Variants in MAPKAPK5 observed in about 807,000 individuals in gnomAD.
MAPKAPK5 encodes the protein MAP kinase-activated protein kinase 5.
MAPKAPK5 carries 30 observed loss-of-function variants against 65.1 expected under a neutral mutation model. That is an observed-to-expected ratio of 0.46 (90% CI 0.34 to 0.63). The LOEUF is 0.63. Ranked by LOEUF, MAPKAPK5 falls within the 20% of genes least tolerant of loss-of-function variation. The probability of loss-of-function intolerance (pLI) is 0.01; values close to 1 mark genes in which losing one functional copy is unlikely to be tolerated. For synonymous variants in MAPKAPK5, 179 were observed against 204.6 expected (o/e 0.87, Z 1.07); for missense variants, 433 against 581.4 (o/e 0.74, Z 2.63).
At chr12:111,870,507 T>C (rs979445112) in intron 6 of MAPKAPK5, 147 bp downstream of exon 6, 2 of 559,318 alleles carry the variant, frequency 3.6e-6, no homozygotes, top group South Asian at 2.5e-5. Context: ...GTTCCCTTGC[T>C]AGAGGCTCAG....
At chr12:111,855,348 A>G (rs1197649407) in intron 1 of MAPKAPK5, among the ~76,000 whole-genome samples, 1 of 152,050 alleles carries the variant, frequency 6.6e-6, no homozygotes. Context: ...TACATTTTAA[A>G]GGTAGAAGGT....
At chr12:111,870,463 C>A in intron 6 of MAPKAPK5, 103 bp downstream of exon 6, 2 of 854,984 alleles carry the variant, frequency 2.3e-6, no homozygotes, top group Non-Finnish European at 3.6e-6. Flanking sequence ...AAGCTTTAAG[C>A]CAAAGTGCTT....
Position 111,883,908 on chromosome 12 carries a change from C to G in MAPKAPK5, c.848+140C>G. ...AATATCACAGAAATCTCTCTGGAGC[C>G]TGAGGTGACTGTTCTCAGTGTCCAC... On this transcript the variant is annotated intron_variant, in intron 9 of 13. Transcript: ENST00000550735. This position sits in a 1 kb window ranked among gnomAD's most constrained non-coding sequence, Gnocchi z 4.8. 1.2e-6 allele frequency: 1 copy of G among 828,888 alleles called. No individual in the cohort carries two copies. Among genetic ancestry groups the G allele is most frequent in the Non-Finnish European group, 1.8e-6 (1 of 542,780 alleles). The allele number at this position is 828,888 out of a possible 1,614,324, so 51.3% of individuals were successfully genotyped here.
chr12:111,865,224 T>C, intron 1 of MAPKAPK5, 26 bp from the exon 2 acceptor site: 1 of 1,434,148 alleles, frequency 7.0e-7, no homozygotes, highest in Non-Finnish European at 9.6e-7. Flanking sequence ...TCATTCTCTG[T>C]CCTCTCCCTT....
intron 1 of MAPKAPK5, among the ~76,000 whole-genome samples, chr12:111,848,803 C>T (rs2068981650): frequency 6.6e-6 from 1 of 152,064 alleles, no homozygotes; most frequent in Non-Finnish European, 1.5e-5. Context: ...GACCTTGGCT[C>T]ACTGCAACCT....
intron 1 of MAPKAPK5, among the ~76,000 whole-genome samples, chr12:111,845,211 T>G (rs910711493): frequency 1.3e-5 from 2 of 151,892 alleles, no homozygotes; most frequent in Non-Finnish European, 2.9e-5. Flanking sequence ...TGCAGCCGCC[T>G]CCTCCCAGGT....
chr12:111,865,989 G>T (rs1027301507), intron 2 of MAPKAPK5, among the ~76,000 whole-genome samples, 167 bp from the exon 3 acceptor site: 2 of 152,132 alleles, frequency 1.3e-5, no homozygotes, highest in Non-Finnish European at 2.9e-5. Flanking sequence ...TGGGCAGAGG[G>T]GTGAGATGCT....
Position 111,893,299 on chromosome 12 carries a change from A to G in MAPKAPK5, c.*238A>G. 1 of 212,368 alleles carries G rather than the reference A, an allele frequency of 4.7e-6. No homozygotes were observed. Among genetic ancestry groups the G allele is most frequent in the Non-Finnish European group, 9.4e-6 (1 of 106,862 alleles). 13.2% of individuals were successfully genotyped at this position (212,368 alleles called of 1,614,324 possible). A position where few individuals can be genotyped will look rare whatever the true frequency, so the allele number is the denominator to read the frequency against. On this transcript the variant is annotated 3_prime_UTR_variant, in exon 14 of 14. Transcript: ENST00000550735. Reference sequence around the variant, plus strand: ...TAGTTGTATATTTGTAAGATGACAGATGATGCTGTCAAGCAATATTGTTTT... The same window carrying G: ...TAGTTGTATATTTGTAAGATGACAGGTGATGCTGTCAAGCAATATTGTTTT...
intron 13 of MAPKAPK5, among the ~76,000 whole-genome samples, chr12:111,891,677 T>TGG (rs2070615520): frequency 2.0e-5 from 3 of 148,438 alleles, no homozygotes; most frequent in African/African-American, 7.5e-5. Flanking sequence ...CATGGTGGCA[T>TGG]GCGCCTGTAG....
chr12:111,894,952 T>C lies in MAPKAPK5; in HGVS notation c.*1891T>C, dbSNP rs2070745932. ...TCTCACCAGCAACTTATTTTCTAAC[T>C]CCTCCACTGTGCTGAGTAATTCCTC... On this transcript the variant is annotated 3_prime_UTR_variant, in exon 14 of 14. Transcript: ENST00000550735. The C allele has an allele frequency of 6.6e-6, 1 of 152,032 alleles. No individual in the cohort carries two copies. Among genetic ancestry groups the C allele is most frequent in the African/African-American group, 2.4e-5 (1 of 41,372 alleles). 9.4% of individuals were successfully genotyped at this position (152,032 alleles called of 1,614,324 possible).
At chr12:111,854,455 G>A (rs2069176589) in intron 1 of MAPKAPK5, among the ~76,000 whole-genome samples, 1 of 151,950 alleles carries the variant, frequency 6.6e-6, no homozygotes, top group African/African-American at 2.4e-5. Context: ...TTGGCCAGAT[G>A]GTCTTGATCT....
Position 111,880,463 on chromosome 12 carries a change from G to A in MAPKAPK5, c.596G>A (p.Arg199Lys), listed in dbSNP as rs1176204266. The change falls in exon 8 of 14, where the codon AGA (arginine) becomes AAA (lysine). Residue 199 changes from arginine (R) to lysine (K), a missense_variant. By Grantham distance (26) the Arg-to-Lys change is conservative. Around this residue, in one of 3 missense-constraint regions of MAPKAPK5, gnomAD observed 99 missense variants for 185.8 expected, o/e 0.53. Coordinates refer to ENST00000550735, the MANE Select transcript of MAPKAPK5 (RefSeq NM_003668.4). ...TCTTGACAGGTACTGGAGGCGCAAA[G>A]AAGGCATCAGAAGGAGAAATCTGGC... is the stretch of plus-strand genomic sequence containing the variant. Reference protein sequence around the residue: ...YVAPQVLEAQRRHQKEKSGII... With the variant: ...YVAPQVLEAQKRHQKEKSGII... 1.9e-6 allele frequency: 3 copies of A among 1,613,832 alleles called. No homozygotes were observed. Among genetic ancestry groups the A allele is most frequent in the East Asian group, 2.2e-5 (1 of 44,870 alleles).
chr12:111,888,629 T>G lies in MAPKAPK5; in HGVS notation c.1100+11T>G. On this transcript the variant is annotated intron_variant, in intron 11 of 13. Transcript: ENST00000550735. ...GAGGAAGTTACTTGGGTAACTGAGC[T>G]TATTTCTTCGATTCTTCTTCATGGC... The G allele has an allele frequency of 3.7e-6, 6 of 1,612,782 alleles. No homozygotes were observed. The highest frequency in any genetic ancestry group is 5.1e-6 in the Non-Finnish European group (6 of 1,179,530).
intron 1 of MAPKAPK5, among the ~76,000 whole-genome samples, chr12:111,862,960 A>G (rs1221528581): frequency 6.6e-6 from 1 of 152,142 alleles, no homozygotes; most frequent in Admixed American, 6.6e-5. Flanking sequence ...GTCATGTAGC[A>G]GATAAGTGAA....
intron 1 of MAPKAPK5, 63 bp downstream of exon 1, chr12:111,842,832 T>C: frequency 1.6e-6 from 2 of 1,262,822 alleles, no homozygotes; most frequent in South Asian, 7.5e-5. Flanking sequence ...GGCTCTAGCC[T>C]CAAAAAGCAG....
intron 1 of MAPKAPK5, chr12:111,843,420 A>G (rs1399074267): frequency 2.5e-6 from 1 of 397,242 alleles, no homozygotes; most frequent in East Asian, 3.6e-5. Context: ...TAAGTTTTCT[A>G]AAACCTGTTT....
chr12:111,843,410 T>G, intron 1 of MAPKAPK5: 1 of 397,278 alleles, frequency 2.5e-6, no homozygotes, highest in Non-Finnish European at 4.4e-6. Context: ...ACAAATAAAA[T>G]AAGTTTTCTA....
chr12:111,850,480 C>G (rs1002847485), intron 1 of MAPKAPK5, among the ~76,000 whole-genome samples: 5 of 151,996 alleles, frequency 3.3e-5, no homozygotes, highest in Non-Finnish European at 7.4e-5. Context: ...GAATTTAATG[C>G]CAGCAAAGGA....
Position 111,901,669 on chromosome 12 carries a change from G to GGAGGAGGAAGAA in MAPKAPK5, c.*8621_*8632dup, listed in dbSNP as rs1021974560. On this transcript the variant is annotated 3_prime_UTR_variant, in exon 14 of 14. Transcript: ENST00000550735. ...AGAAGGAGGAAGAAAAAGAAGAGGA[G>GGAGGAGGAAGAA]GAGGAGGAAGAAGAGGAGGAAGAAT... The GGAGGAGGAAGAA allele has an allele frequency of 1.1e-5, 3 of 265,406 alleles. No individual in the cohort carries two copies. Among genetic ancestry groups the GGAGGAGGAAGAA allele is most frequent in the Non-Finnish European group, 7.4e-6 (1 of 135,166 alleles). The allele number at this position is 265,406 out of a possible 1,614,324, so 16.4% of individuals were successfully genotyped here. A position where few individuals can be genotyped will look rare whatever the true frequency, so the allele number is the denominator to read the frequency against.
Sources: allele counts gnomAD v4.1 joint callset (sites outside exome capture counted in the v4.1 genomes callset), GRCh38; gene constraint gnomAD v4.1.1; regional missense constraint gnomAD v4.1.1; non-coding constraint Gnocchi (gnomAD v3.1); transcripts MANE v1.5; gene names NCBI Gene and HGNC (gene_info 2026-07-23, HGNC 2026-07-21).